CIT: variants seen among roughly 807,000 people sequenced by gnomAD.
CIT encodes citron Rho-interacting kinase.
A neutral mutation model predicts 272.7 loss-of-function variants in CIT; 79 were observed. That is an observed-to-expected ratio of 0.29 (90% CI 0.24 to 0.35). The LOEUF (loss-of-function observed/expected upper bound fraction) is 0.35. Ranked by LOEUF, CIT falls within the 10% of genes least tolerant of loss-of-function variation. The probability of loss-of-function intolerance (pLI) is 1.00; values close to 1 mark genes in which losing one functional copy is unlikely to be tolerated. For missense variants in CIT, 1,909 were observed against 2,618.3 expected (o/e 0.73, Z 5.91); for synonymous variants, 948 against 995.6 (o/e 0.95, Z 0.90).
intron 20 of CIT, among the ~76,000 whole-genome samples, chr12:119,760,458 C>A (rs1961626538): frequency 6.6e-6 from 1 of 152,004 alleles, no homozygotes; most frequent in South Asian, 2.1e-4. Context: ...AAGATCTCGT[C>A]TCTACAGAAA....
chr12:119,846,037 C>T (rs138208618), intron 5 of CIT, among the ~76,000 whole-genome samples: 93 of 151,594 alleles, frequency 6.1e-4, no homozygotes, highest in African/African-American at 2.2e-3. Flanking sequence ...GTAATAAGAA[C>T]GGTGACATCA....
chr12:119,876,023 G>T, intron 2 of CIT, 50 bp downstream of exon 2: 3 of 1,100,108 alleles, frequency 2.7e-6, no homozygotes, highest in Non-Finnish European at 2.8e-6. Context: ...GTGACAAGGA[G>T]ATTCCAAGGA....
At chr12:119,848,846 C>T (rs908854996) in intron 5 of CIT, among the ~76,000 whole-genome samples, 10 of 151,938 alleles carry the variant, frequency 6.6e-5, no homozygotes, top group Non-Finnish European at 1.2e-4. Flanking sequence ...GGCAACATGG[C>T]AAAACCCCGT....
intron 10 of CIT, among the ~76,000 whole-genome samples, chr12:119,800,986 T>G (rs2137857350): frequency 6.6e-6 from 1 of 152,252 alleles, no homozygotes; most frequent in South Asian, 2.1e-4. Flanking sequence ...CAATAACACA[T>G]AACAAGACGC....
chr12:119,735,261 C>A lies in CIT; in HGVS notation c.3055G>T (p.Ala1019Ser), dbSNP rs1255178910. The stretch of plus-strand genomic sequence containing the variant: ...ACAATCTCGTCGTTGGCGCCAGAAG[C>A]CTCATCGAGTTGTTTGGACAAGTAG... ...NFYLSKQLDE[A>S]SGANDEIVQL... Residue 1019 changes from alanine (A) to serine (S), a missense_variant, in exon 25 of 48, where the codon GCT becomes TCT. Transcript: ENST00000392521. The A allele has an allele frequency of 1.9e-6, 3 of 1,614,164 alleles. No individual in the cohort carries two copies. Among genetic ancestry groups the A allele is most frequent in the African/African-American group, 1.3e-5 (1 of 75,026 alleles).
chr12:119,729,445 G>A (rs1276354189), intron 27 of CIT, among the ~76,000 whole-genome samples: 4 of 150,410 alleles, frequency 2.7e-5, no homozygotes, highest in African/African-American at 1.0e-4. Flanking sequence ...TCCAATACAA[G>A]TATAATGATT....
chr12:119,690,339 G>C lies in CIT; in HGVS notation c.5998C>G (p.Arg2000Gly). Residue 2000 changes from arginine (R) to glycine (G), a missense_variant, in exon 47 of 48, where the codon CGC (arginine) becomes GGC (glycine). Transcript: ENST00000392521. This position sits in a 1 kb window ranked among gnomAD's most constrained non-coding sequence, Gnocchi z 6.0. The stretch of plus-strand genomic sequence containing the variant: ...AGCTCGGTCCGCCCCTCGCGGTAGC[G>C]GTGGGGTGTGCTTGGCTCTCGCGGG... Reference protein sequence around the residue: ...SHPREPSTPHRYREGRTELRR... With the variant: ...SHPREPSTPHGYREGRTELRR... 1 of 1,597,718 alleles carries C rather than the reference G, an allele frequency of 6.3e-7. No individual in the cohort carries two copies. Among genetic ancestry groups the C allele is most frequent in the Non-Finnish European group, 8.5e-7 (1 of 1,178,450 alleles).
chr12:119,831,796 G>T (rs924948287), intron 7 of CIT, among the ~76,000 whole-genome samples: 6 of 152,158 alleles, frequency 3.9e-5, no homozygotes, highest in South Asian at 2.1e-4. Context: ...GTGAACCCAG[G>T]GGGGCGGAGC....
At chr12:119,845,419 G>A (rs951781979) in intron 5 of CIT, among the ~76,000 whole-genome samples, 3 of 152,120 alleles carry the variant, frequency 2.0e-5, no homozygotes, top group African/African-American at 7.2e-5. Context: ...CTGGGAGGCT[G>A]AGGCAGGCGG....
At chr12:119,832,984 C>A in intron 6 of CIT, 120 bp from the exon 7 acceptor site, 1 of 605,188 alleles carries the variant, frequency 1.7e-6, no homozygotes. Flanking sequence ...TAGACCTCCT[C>A]TATTGGTGGA....
chr12:119,839,858 G>A (rs767618227), intron 5 of CIT, among the ~76,000 whole-genome samples: 6 of 152,140 alleles, frequency 3.9e-5, no homozygotes, highest in East Asian at 1.9e-4. Context: ...ACCATGCCTG[G>A]GCCTGAAAGA....
At chr12:119,806,867 T>C (rs1055944425) in intron 9 of CIT, among the ~76,000 whole-genome samples, 1 of 152,094 alleles carries the variant, frequency 6.6e-6, no homozygotes, top group African/African-American at 2.4e-5. Context: ...CCAGGTACAT[T>C]TGAAAGGAAC....
Position 119,809,159 on chromosome 12 carries a change from T to C in CIT, c.1112-5770A>G, listed in dbSNP as rs74800011. On this transcript the variant is annotated intron_variant, in intron 9 of 47. Coordinates refer to ENST00000392521, the MANE Select transcript of CIT (RefSeq NM_001206999.2). The stretch of plus-strand genomic sequence containing the variant: ...AAGCCAGAGCAATGGCCCAAGAGCA[T>C]AGTGAATAATGAGGCAGGGAAGAAA... Among the ~76,000 whole-genome samples, 330 of 152,184 alleles carry C rather than the reference T, an allele frequency of 2.2e-3. 2 individuals are homozygous for C. Among genetic ancestry groups the C allele is most frequent in the Non-Finnish European group, 3.7e-3 (255 of 68,008 alleles).
chr12:119,832,501 T>C (rs984355092), intron 7 of CIT, among the ~76,000 whole-genome samples: 3 of 151,928 alleles, frequency 2.0e-5, no homozygotes, highest in African/African-American at 7.3e-5. Flanking sequence ...GCAAGGAAAA[T>C]GAAGAGAGAA....
intron 28 of CIT, among the ~76,000 whole-genome samples, chr12:119,725,223 G>A (rs1346402359): frequency 1.3e-5 from 2 of 152,076 alleles, no homozygotes; most frequent in Non-Finnish European, 2.9e-5. Context: ...AGGAGTTGGA[G>A]ACAAGCTGGG....
chr12:119,804,180 C>T lies in CIT; in HGVS notation c.1112-791G>A. On this transcript the variant is annotated intron_variant, in intron 9 of 47. Transcript: ENST00000392521. The surrounding 1 kb of genome is among the most constrained non-coding windows in gnomAD (Gnocchi z 5.3). ...GCTCCTACCTCCTCAGGGCTTCACT[C>T]CCGGCTGGGGGCGTGTTACATCCTC... The T allele has an allele frequency of 1.0e-6, 1 of 985,526 alleles. No homozygotes were observed. Among genetic ancestry groups the T allele is most frequent in the Non-Finnish European group, 1.2e-6 (1 of 830,040 alleles). The allele number at this position is 985,526 out of a possible 1,614,324, so 61.0% of individuals were successfully genotyped here.
At chr12:119,863,065 G>A (rs1224693022) in intron 3 of CIT, among the ~76,000 whole-genome samples, 1 of 150,090 alleles carries the variant, frequency 6.7e-6, no homozygotes, top group Non-Finnish European at 1.5e-5. Context: ...AGCCTGGCAT[G>A]GTGGTGCGCA....
chr12:119,817,635 C>T (rs968116012), intron 9 of CIT, among the ~76,000 whole-genome samples: 2 of 152,050 alleles, frequency 1.3e-5, no homozygotes, highest in South Asian at 4.2e-4. Flanking sequence ...AGCAAAAGAC[C>T]GGTTAGGCTC....
At chr12:119,716,112 T>C (rs1415770757) in intron 32 of CIT, among the ~76,000 whole-genome samples, 5 of 152,036 alleles carry the variant, frequency 3.3e-5, no homozygotes, top group Non-Finnish European at 7.4e-5. Context: ...GCACAGTGGC[T>C]CAAACCTGTA....
Sources: gnomAD v4.1 joint callset for allele counts (sites outside exome capture counted in the v4.1 genomes callset) on GRCh38, gnomAD v4.1.1 for gene constraint, Gnocchi (gnomAD v3.1) non-coding constraint, MANE v1.5 for transcripts, NCBI Gene and HGNC (gene_info 2026-07-23, HGNC 2026-07-21) for gene names.